SFMBT1: variants seen among roughly 807,000 people sequenced by gnomAD.
SFMBT1 encodes scm-like with four MBT domains protein 1.
SFMBT1 carries 32 observed loss-of-function variants against 108.7 expected under a neutral mutation model. The observed-to-expected ratio is 0.29, with a 90% confidence interval of 0.22 to 0.40. SFMBT1 has a LOEUF of 0.40. SFMBT1 is among the 10% of genes least tolerant of loss of function. The pLI, the probability that SFMBT1 is intolerant of heterozygous loss-of-function variation, is 1.00. For missense variants in SFMBT1, 816 were observed against 1,059.6 expected (o/e 0.77, Z 3.19); for synonymous variants, 348 against 369.5 (o/e 0.94, Z 0.67).
chr3:52,981,324 A>C (rs1704702573), intron 1 of SFMBT1, among the ~76,000 whole-genome samples: 1 of 152,170 alleles, frequency 6.6e-6, no homozygotes. Flanking sequence ...ATGCCAGTTA[A>C]GAAAATCATT....
chr3:53,009,571 G>C (rs1427452813), intron 1 of SFMBT1, among the ~76,000 whole-genome samples: 1 of 152,160 alleles, frequency 6.6e-6, no homozygotes, highest in African/African-American at 2.4e-5. Flanking sequence ...AGTAAGTTTG[G>C]TTTTTAAACA....
chr3:52,957,543 T>TA, intron 2 of SFMBT1, among the ~76,000 whole-genome samples: 1 of 152,292 alleles, frequency 6.6e-6, no homozygotes, highest in South Asian at 2.1e-4. Flanking sequence ...GGTGAAGGCA[T>TA]AGCCCTACCT....
At chr3:52,921,661 A>G (rs751855543) in intron 11 of SFMBT1, 44 bp downstream of exon 11, 6 of 1,600,962 alleles carry the variant, frequency 3.7e-6, no homozygotes, top group African/African-American at 1.3e-5. Context: ...AGGAAGCTCA[A>G]AGGAGAGTGG....
At chr3:53,045,651 C>T (rs900196510) in intron 1 of SFMBT1, among the ~76,000 whole-genome samples, 165 bp downstream of exon 1, 2 of 140,540 alleles carry the variant, frequency 1.4e-5, no homozygotes, top group African/African-American at 2.6e-5. Flanking sequence ...CGCCGCCGCC[C>T]GTTGGCGCCT....
intron 1 of SFMBT1, among the ~76,000 whole-genome samples, chr3:53,004,875 G>C (rs1169646347): frequency 7.5e-6 from 1 of 132,490 alleles, no homozygotes; most frequent in Non-Finnish European, 1.8e-5. Flanking sequence ...TCTCAAGTTT[G>C]AGGCTTCCTT....
chr3:53,013,681 T>A (rs1699031991), intron 1 of SFMBT1, among the ~76,000 whole-genome samples: 2 of 119,962 alleles, frequency 1.7e-5, no homozygotes, highest in African/African-American at 3.4e-5. Flanking sequence ...CAGGCCGGAG[T>A]GCAATGGCGC....
intron 1 of SFMBT1, among the ~76,000 whole-genome samples, chr3:53,006,101 T>C (rs1442909954): frequency 6.6e-6 from 1 of 152,132 alleles, no homozygotes; most frequent in Admixed American, 6.5e-5. Context: ...GGAAGCATAG[T>C]GAGAGGTCAC....
At chr3:52,950,725 T>TCTC in intron 3 of SFMBT1, among the ~76,000 whole-genome samples, 1 of 150,470 alleles carries the variant, frequency 6.6e-6, no homozygotes, top group Admixed American at 6.6e-5. Context: ...CCACCCGCCA[T>TCTC]GGCCTCCCAA....
At chr3:52,931,316 C>T (rs1702851629) in intron 6 of SFMBT1, among the ~76,000 whole-genome samples, 1 of 152,096 alleles carries the variant, frequency 6.6e-6, no homozygotes, top group Non-Finnish European at 1.5e-5. Flanking sequence ...AATTGGGGCA[C>T]ATAATAATAA....
At chr3:53,034,613 AAAAT>A (rs1176581478) in intron 1 of SFMBT1, among the ~76,000 whole-genome samples, 1 of 151,900 alleles carries the variant, frequency 6.6e-6, no homozygotes, top group Non-Finnish European at 1.5e-5. Flanking sequence ...ATAAATTTAA[AAAAT>A]AAATAAAAAT....
At chr3:52,945,140 A>AAAAAAACAAAAAACAAACAAAC (rs1703319363) in intron 3 of SFMBT1, among the ~76,000 whole-genome samples, 2 of 146,172 alleles carry the variant, frequency 1.4e-5, no homozygotes, top group Admixed American at 6.8e-5. Context: ...TCCAATTAAA[A>AAAAAAACAAAAAACAAACAAAC]AAAAAAAAAA....
intron 19 of SFMBT1, 54 bp from the exon 20 acceptor site, chr3:52,906,295 A>G: frequency 6.2e-7 from 1 of 1,611,760 alleles, no homozygotes; most frequent in Non-Finnish European, 8.5e-7. Flanking sequence ...ATTTTATTCT[A>G]AAAAAGTCTC....
intron 13 of SFMBT1, among the ~76,000 whole-genome samples, chr3:52,917,640 G>A (rs1035103295): frequency 6.6e-6 from 1 of 152,198 alleles, no homozygotes; most frequent in Admixed American, 6.5e-5. Context: ...GCAGGCAAGG[G>A]AGCATTACGG....
chr3:52,907,538 C>T lies in SFMBT1; in HGVS notation c.2085+17G>A. 1 of 1,606,160 alleles carries T rather than the reference C, an allele frequency of 6.2e-7. No homozygotes were observed. Among genetic ancestry groups the T allele is most frequent in the South Asian group, 1.1e-5 (1 of 89,520 alleles). On this transcript the variant is annotated intron_variant, in intron 18 of 20. Coordinates refer to ENST00000394752, the MANE Select transcript of SFMBT1 (RefSeq NM_016329.4). ...ACTTGGCTTCAAGACATTACAGGCACATCACAGATCTCATACCTGGGGAGA... is the reference window on the plus strand; with the variant it reads ...ACTTGGCTTCAAGACATTACAGGCATATCACAGATCTCATACCTGGGGAGA...
At chr3:52,935,875 T>TAA (rs1216054561) in intron 4 of SFMBT1, among the ~76,000 whole-genome samples, 1 of 152,186 alleles carries the variant, frequency 6.6e-6, no homozygotes, top group African/African-American at 2.4e-5. Flanking sequence ...TTACTCCACA[T>TAA]TTATTGAGAC....
intron 1 of SFMBT1, among the ~76,000 whole-genome samples, chr3:53,009,216 G>C (rs542605247): frequency 8.5e-5 from 13 of 152,144 alleles, no homozygotes; most frequent in African/African-American, 3.1e-4. Flanking sequence ...GGAGGCTGAG[G>C]TGGGCAGATC....
At chr3:52,916,505 T>C (rs1244564646) in intron 13 of SFMBT1, among the ~76,000 whole-genome samples, 3 of 151,586 alleles carry the variant, frequency 2.0e-5, no homozygotes, top group Non-Finnish European at 4.4e-5. Flanking sequence ...CCGTCTCTAC[T>C]AAAAATACAA....
chr3:53,044,035 C>A (rs1338408851), intron 1 of SFMBT1, among the ~76,000 whole-genome samples: 1 of 152,132 alleles, frequency 6.6e-6, no homozygotes, highest in Non-Finnish European at 1.5e-5. Flanking sequence ...AGGGCATATA[C>A]ATATATAAAA....
intron 1 of SFMBT1, among the ~76,000 whole-genome samples, chr3:53,006,499 C>T (rs537098962): frequency 4.6e-5 from 7 of 152,144 alleles, no homozygotes; most frequent in South Asian, 2.1e-4. Flanking sequence ...CGTGTTGGCA[C>T]GTGCCTGTAA....
Sources: allele counts gnomAD v4.1 joint callset (sites outside exome capture counted in the v4.1 genomes callset), GRCh38; gene constraint gnomAD v4.1.1; transcripts MANE v1.5; gene names NCBI Gene and HGNC (gene_info 2026-07-23, HGNC 2026-07-21).